The following DAPL1 variants were observed in gnomAD, a reference collection of about 807,000 sequenced individuals.
The protein encoded by DAPL1 is death associated protein like 1.
DAPL1 carries 17 observed loss-of-function variants against 12.9 expected under a neutral mutation model. The observed-to-expected ratio is 1.32, with a 90% confidence interval of 0.90 to 1.98. The LOEUF (loss-of-function observed/expected upper bound fraction) is 1.98, where lower values mean the gene tolerates loss of function less well. Among genes scored for constraint, DAPL1 ranks in the 30% most tolerant of loss-of-function variants. DAPL1 has a pLI of 0.00. For synonymous variants in DAPL1, 51 were observed against 42.0 expected (o/e 1.21, Z -0.82); for missense variants, 157 against 125.7 (o/e 1.25, Z -1.19).
chr2:158,795,416 G>T lies in DAPL1; in HGVS notation c.44G>T (p.Gly15Val), dbSNP rs776882607. 1 of 1,555,294 alleles carries T rather than the reference G, an allele frequency of 6.4e-7. No individual in the cohort carries two copies. The change falls in exon 1 of 4, where the codon GGA becomes GTA. Residue 15 changes from glycine to valine, a missense_variant. Gly to Val is a moderately radical substitution (Grantham distance 109). Transcript: ENST00000309950. ...GACCTGCTCTCCCCTCGGAAAGGGG[G>T]ACATCCTCCTGCAGGTAGGCTGCCA... ...VQDLLSPRKG[G>V]HPPAVKAGGM...
chr2:158,809,373 T>G (rs866680806), intron 3 of DAPL1, among the ~76,000 whole-genome samples: 1 of 64,582 alleles, frequency 1.5e-5, no homozygotes, highest in Non-Finnish European at 3.4e-5. Context: ...AAAAAAGAAA[T>G]ATTTTTAACA....
At chr2:158,809,817 C>A (rs573198777) in intron 3 of DAPL1, among the ~76,000 whole-genome samples, 1 of 152,236 alleles carries the variant, frequency 6.6e-6, no homozygotes, top group Non-Finnish European at 1.5e-5. Flanking sequence ...ATCTCAAAAA[C>A]GAACATTGGT....
intron 3 of DAPL1, among the ~76,000 whole-genome samples, chr2:158,808,508 A>G (rs2059213713): frequency 6.6e-6 from 1 of 152,212 alleles, no homozygotes; most frequent in Admixed American, 6.5e-5. Context: ...ATAAGACAGT[A>G]TATCTAAAGT....
intron 1 of DAPL1, among the ~76,000 whole-genome samples, chr2:158,803,522 G>A (rs1011775175): frequency 1.2e-4 from 18 of 152,102 alleles, no homozygotes; most frequent in Non-Finnish European, 2.5e-4. Flanking sequence ...AATTTCCTGG[G>A]AACAGAAAAA....
chr2:158,814,506 C>T (rs2059249681), intron 3 of DAPL1, among the ~76,000 whole-genome samples: 1 of 152,202 alleles, frequency 6.6e-6, no homozygotes, highest in African/African-American at 2.4e-5. Context: ...ATTCTATCCC[C>T]CAGAGGTAAC....
intron 3 of DAPL1, among the ~76,000 whole-genome samples, chr2:158,813,252 T>C (rs2059241497): frequency 6.6e-6 from 1 of 152,154 alleles, no homozygotes; most frequent in South Asian, 2.1e-4. Flanking sequence ...GGAGAATTAC[T>C]GTTTAATTGG....
chr2:158,808,935 T>C, intron 3 of DAPL1, among the ~76,000 whole-genome samples: 1 of 152,274 alleles, frequency 6.6e-6, no homozygotes, highest in East Asian at 1.9e-4. Flanking sequence ...GATATGCTTA[T>C]GTCTTTGACA....
At chr2:158,804,882 C>T (rs373393445) in intron 2 of DAPL1, among the ~76,000 whole-genome samples, 7 of 152,330 alleles carry the variant, frequency 4.6e-5, no homozygotes, top group African/African-American at 1.4e-4. Flanking sequence ...GCAGCCTCCC[C>T]GCTGCTCCTT....
At chr2:158,809,085 G>A (rs971647631) in intron 3 of DAPL1, among the ~76,000 whole-genome samples, 4 of 152,172 alleles carry the variant, frequency 2.6e-5, no homozygotes, top group African/African-American at 9.6e-5. Context: ...AACAGGCCAG[G>A]CACGGTGGCT....
chr2:158,809,008 A>G (rs879736505), intron 3 of DAPL1, among the ~76,000 whole-genome samples: 1 of 152,208 alleles, frequency 6.6e-6, no homozygotes, highest in Non-Finnish European at 1.5e-5. Context: ...ATACTTAACA[A>G]CAATAATCAG....
At position 158,815,918 on chromosome 2, in the gene DAPL1, T is replaced by C; in HGVS notation, c.*97T>C. The stretch of plus-strand genomic sequence containing the variant: ...CTTTCCATAGGCGTGCTGCACTTGC[T>C]TGGTAAATTAAGCAGCTTTTGTATC... On this transcript the variant is annotated 3_prime_UTR_variant, in exon 4 of 4. Coordinates refer to ENST00000309950, the MANE Select transcript of DAPL1 (RefSeq NM_001017920.3). 2 of 853,440 alleles carry C rather than the reference T, an allele frequency of 2.3e-6. No individual in the cohort carries two copies. The highest frequency in any genetic ancestry group is 2.4e-5 in the East Asian group (1 of 40,884). The allele number at this position is 853,440 out of a possible 1,614,324, so 52.9% of individuals were successfully genotyped here.
chr2:158,815,458 A>T lies in DAPL1; in HGVS notation c.208-247A>T, dbSNP rs2059254878. On this transcript the variant is annotated intron_variant, in intron 3 of 3. Transcript: ENST00000309950. ...AGAACTGATGCAGACATAATTAACC[A>T]TTCCTACTTTTTAAAATGTCAATTG... Among the ~76,000 whole-genome samples, 3 of 152,358 alleles carry T rather than the reference A, an allele frequency of 2.0e-5. No homozygotes were observed. The South Asian group carries it at 6.2e-4, about 32-fold the overall frequency.
At chr2:158,808,300 T>C (rs1162504736) in intron 3 of DAPL1, among the ~76,000 whole-genome samples, 1 of 152,218 alleles carries the variant, frequency 6.6e-6, no homozygotes, top group African/African-American at 2.4e-5. Context: ...TCACCATCTA[T>C]ATGGCCTTGA....
intron 3 of DAPL1, among the ~76,000 whole-genome samples, chr2:158,814,572 G>A (rs1257403308): frequency 2.6e-5 from 4 of 152,188 alleles, no homozygotes; most frequent in African/African-American, 9.6e-5. Flanking sequence ...TTAAAACCAA[G>A]AAGAAAGGAC....
At position 158,804,354 on chromosome 2, in the gene DAPL1, G is replaced by A; in HGVS notation, c.131G>A (p.Gly44Glu). Reference protein sequence around the residue: ...GTLERHTKKTGFEKTSAIANV... With the variant: ...GTLERHTKKTEFEKTSAIANV... The stretch of plus-strand genomic sequence containing the variant: ...TTGGAAAGACATACCAAAAAAACAG[G>A]ATTCGAGAAAACAAGGTAGGGACTC... Residue 44 changes from glycine (G) to glutamate (E), a missense_variant, in exon 2 of 4, where the codon GGA (glycine) becomes GAA (glutamate). Gly to Glu is a moderately conservative substitution (Grantham distance 98). Coordinates refer to ENST00000309950, the MANE Select transcript of DAPL1 (RefSeq NM_001017920.3). The A allele has an allele frequency of 6.2e-7, 1 of 1,610,228 alleles. No individual in the cohort carries two copies. Among genetic ancestry groups the A allele is most frequent in the Non-Finnish European group, 8.5e-7 (1 of 1,177,936 alleles).
At chr2:158,796,414 G>T (rs758214641) in intron 1 of DAPL1, among the ~76,000 whole-genome samples, 1 of 152,184 alleles carries the variant, frequency 6.6e-6, no homozygotes, top group South Asian at 2.1e-4. Flanking sequence ...TGGCCAAAAA[G>T]AGTCCAGATT....
intron 3 of DAPL1, among the ~76,000 whole-genome samples, chr2:158,812,794 C>CAAAAAAAA (rs148850724): frequency 1.6e-5 from 2 of 124,458 alleles, no homozygotes; most frequent in African/African-American, 3.1e-5. Context: ...AACCTCAGCT[C>CAAAAAAAA]AAAAAAAAAA....
chr2:158,806,155 G>C lies in DAPL1; in HGVS notation c.147-900G>C, dbSNP rs1008425272. On this transcript the variant is annotated intron_variant, in intron 2 of 3. Coordinates refer to ENST00000309950, the MANE Select transcript of DAPL1 (RefSeq NM_001017920.3). ...TTAGAGAATAGCTTTTTAAAAATATGCTCTAGACCAGAATTTTCCAAACAT... is the reference window on the plus strand; with the variant it reads ...TTAGAGAATAGCTTTTTAAAAATATCCTCTAGACCAGAATTTTCCAAACAT... Among the ~76,000 whole-genome samples, 2 of 147,786 alleles carry C rather than the reference G, an allele frequency of 1.4e-5. 1 individual carries two copies. Among genetic ancestry groups the C allele is most frequent in the Admixed American group, 1.4e-4 (2 of 14,704 alleles).
At position 158,807,007 on chromosome 2, in the gene DAPL1, T is replaced by TG. The variant is rs774435986; in HGVS notation, c.147-45dup. On this transcript the variant is annotated intron_variant, in intron 2 of 3. Coordinates refer to ENST00000309950, the MANE Select transcript of DAPL1 (RefSeq NM_001017920.3). The stretch of plus-strand genomic sequence containing the variant: ...TCTATAAATCATGTGGCCTTTTCAG[T>TG]GGGAAAATTTTTTAAGTCCTGTTCA... 2.0e-6 allele frequency: 3 copies of TG among 1,488,194 alleles called. No homozygotes were observed. The East Asian group carries it at 6.8e-5, about 34-fold the overall frequency. The allele number at this position is 1,488,194 out of a possible 1,614,324, so 92.2% of individuals were successfully genotyped here.
Sources: gnomAD v4.1 joint callset for allele counts (sites outside exome capture counted in the v4.1 genomes callset) on GRCh38, gnomAD v4.1.1 for gene constraint, MANE v1.5 for transcripts, NCBI Gene and HGNC (gene_info 2026-07-23, HGNC 2026-07-21) for gene names.